The following CWF19L2 variants were observed in gnomAD, a reference collection of about 807,000 sequenced individuals.
CWF19L2 encodes CWF19 like cell cycle control factor 2.
A neutral mutation model predicts 111.7 loss-of-function variants in CWF19L2; 98 were observed. That is an observed-to-expected ratio of 0.88 (90% CI 0.75 to 1.04). The LOEUF (loss-of-function observed/expected upper bound fraction) is 1.04. Ranked by LOEUF, CWF19L2 falls within the 50% of genes least tolerant of loss-of-function variation. The pLI is 0.00. For synonymous variants in CWF19L2, 351 were observed against 342.9 expected (o/e 1.02, Z -0.26); for missense variants, 1,101 against 1,051.4 (o/e 1.05, Z -0.65).
Position 107,442,972 on chromosome 11 carries a change from T to C in CWF19L2, c.417A>G (p.Glu139=). The C allele has an allele frequency of 6.4e-7, 1 of 1,551,598 alleles. No homozygotes were observed. Among genetic ancestry groups the C allele is most frequent in the Non-Finnish European group, 8.7e-7 (1 of 1,146,780 alleles). Residue 139 remains glutamate, a synonymous_variant, in exon 4 of 18, where the codon GAA becomes GAG. Transcript: ENST00000282251. ...DKEKAWKVKD[E]KSGKDDTQII... ...TTTGGGTGTCATCTTTTCCTGACTT[T>C]TCATCTTTCACTTTCCAGGCTTTTT...
At position 107,428,871 on chromosome 11, in the gene CWF19L2, G is replaced by A. The variant is rs756765190; in HGVS notation, c.1361C>T (p.Ser454Leu). The stretch of plus-strand genomic sequence containing the variant: ...GTCATCTCTCAAGACTTCATCTTGT[G>A]ATTTTTCTCTTGGGTCTTCTGGAAC... ...QHVPEDPREK[S>L]QDEVLRDDPP... is the part of the protein sequence containing the mutation. The change falls in exon 8 of 18, where the codon TCA (serine) becomes TTA (leucine). Residue 454 changes from serine (S) to leucine (L), a missense_variant. Coordinates refer to ENST00000282251, the MANE Select transcript of CWF19L2 (RefSeq NM_152434.3). The A allele has an allele frequency of 6.2e-7, 1 of 1,613,608 alleles. No individual in the cohort carries two copies. The highest frequency in any genetic ancestry group is 2.2e-5 in the East Asian group (1 of 44,862).
At position 107,372,633 on chromosome 11, in the gene CWF19L2, G is replaced by C. The variant is rs1218634262; in HGVS notation, c.1872+17441C>G. ...GACTAAAGGATGAGATGCACATTTT[G>C]AACAAAAAAATTATTCTGGTTTCAG... On this transcript the variant is annotated intron_variant, in intron 12 of 17. Coordinates refer to ENST00000282251, the MANE Select transcript of CWF19L2 (RefSeq NM_152434.3). Among the ~76,000 whole-genome samples the C allele has an allele frequency of 1.5e-5, 2 of 136,164 alleles. 1 individual carries two copies. Among genetic ancestry groups the C allele is most frequent in the Non-Finnish European group, 3.1e-5 (2 of 63,872 alleles). 89.3% of individuals were successfully genotyped at this position (136,164 alleles called of 152,430 possible). A position where few individuals can be genotyped will look rare whatever the true frequency, so the allele number is the denominator to read the frequency against.
intron 8 of CWF19L2, among the ~76,000 whole-genome samples, chr11:107,426,731 CATT>C (rs2135406588): frequency 6.6e-6 from 1 of 151,596 alleles, no homozygotes; most frequent in South Asian, 2.1e-4. Context: ...ATGGTATATG[CATT>C]GTAGAGCTAT....
chr11:107,449,261 G>A (rs1861745647), intron 3 of CWF19L2, among the ~76,000 whole-genome samples: 1 of 151,680 alleles, frequency 6.6e-6, no homozygotes, highest in Admixed American at 6.6e-5. Flanking sequence ...GAATGAAGAT[G>A]AAATAAAAGA....
At chr11:107,455,370 T>C (rs1415771305) in intron 2 of CWF19L2, among the ~76,000 whole-genome samples, 1 of 152,006 alleles carries the variant, frequency 6.6e-6, no homozygotes, top group African/African-American at 2.4e-5. Flanking sequence ...ATAAAATAAA[T>C]ACATAAAGCT....
intron 3 of CWF19L2, among the ~76,000 whole-genome samples, chr11:107,443,536 C>T (rs961058669): frequency 2.0e-5 from 3 of 151,966 alleles, no homozygotes; most frequent in African/African-American, 7.2e-5. Context: ...GAGTTAAGCC[C>T]ACCAAACACA....
At chr11:107,413,382 G>A (rs1171912499) in intron 10 of CWF19L2, among the ~76,000 whole-genome samples, 4 of 152,104 alleles carry the variant, frequency 2.6e-5, no homozygotes, top group Non-Finnish European at 4.4e-5. Flanking sequence ...CCATAATGAA[G>A]AAGGGTGATG....
intron 16 of CWF19L2, among the ~76,000 whole-genome samples, chr11:107,334,078 C>A (rs898048832): frequency 9.9e-5 from 15 of 152,154 alleles, no homozygotes; most frequent in African/African-American, 3.6e-4. Context: ...GAGTTGCCAA[C>A]CCCAGCACTA....
At chr11:107,400,318 A>G (rs886908297) in intron 10 of CWF19L2, among the ~76,000 whole-genome samples, 9 of 152,156 alleles carry the variant, frequency 5.9e-5, no homozygotes, top group Admixed American at 2.6e-4. Flanking sequence ...TTGATACACT[A>G]TTAGCAATAT....
At chr11:107,407,727 T>C (rs1861100521) in intron 10 of CWF19L2, among the ~76,000 whole-genome samples, 1 of 152,052 alleles carries the variant, frequency 6.6e-6, no homozygotes, top group African/African-American at 2.4e-5. Context: ...GTCTATGACA[T>C]AATTCTTCAT....
chr11:107,326,659 T>C lies in CWF19L2; in HGVS notation c.*251A>G, dbSNP rs1479177652. 4 of 335,558 alleles carry C rather than the reference T, an allele frequency of 1.2e-5. No homozygotes were observed. The highest frequency in any genetic ancestry group is 2.1e-5 in the African/African-American group (1 of 47,142). The allele number at this position is 335,558 out of a possible 1,614,324, so 20.8% of individuals were successfully genotyped here. A position where few individuals can be genotyped will look rare whatever the true frequency, so the allele number is the denominator to read the frequency against. On this transcript the variant is annotated 3_prime_UTR_variant, in exon 18 of 18. Transcript: ENST00000282251. ...ACAATTCGGAATACCAAGAAGTAGG[T>C]AGAGAGCAGGAATGTGAGCAGATCA...
chr11:107,422,258 T>C (rs905844352), intron 8 of CWF19L2, among the ~76,000 whole-genome samples: 1 of 152,006 alleles, frequency 6.6e-6, no homozygotes, highest in Non-Finnish European at 1.5e-5. Context: ...GCAGCATTCA[T>C]GTGATGTAAA....
At chr11:107,450,462 A>G (rs1162428436) in intron 3 of CWF19L2, among the ~76,000 whole-genome samples, 1 of 152,110 alleles carries the variant, frequency 6.6e-6, no homozygotes, top group Non-Finnish European at 1.5e-5. Flanking sequence ...CTGAGGTGGG[A>G]GAGTCACTTG....
intron 14 of CWF19L2, chr11:107,345,572 G>A (rs951849595): frequency 2.3e-6 from 1 of 432,602 alleles, no homozygotes; most frequent in Non-Finnish European, 4.7e-6. Context: ...AGTGTTGCAA[G>A]AATGGTTCTG....
At chr11:107,439,720 G>GA (rs1439924866) in intron 5 of CWF19L2, among the ~76,000 whole-genome samples, 2 of 152,190 alleles carry the variant, frequency 1.3e-5, no homozygotes, top group African/African-American at 4.8e-5. Flanking sequence ...GCAGTTTCAG[G>GA]AAACTTAGAA....
At chr11:107,437,955 G>T (rs891970859) in intron 6 of CWF19L2, among the ~76,000 whole-genome samples, 1 of 152,076 alleles carries the variant, frequency 6.6e-6, no homozygotes, top group African/African-American at 2.4e-5. Flanking sequence ...AACCTTGTAT[G>T]ACTATAGTTA....
chr11:107,421,670 C>T lies in CWF19L2; in HGVS notation c.1434-3383G>A, dbSNP rs186938301. Among the ~76,000 whole-genome samples, 188 of 152,144 alleles carry T rather than the reference C, an allele frequency of 1.2e-3. 1 individual carries two copies. The highest frequency in any genetic ancestry group is 2.3e-3 in the Non-Finnish European group (153 of 67,942). On this transcript the variant is annotated intron_variant, in intron 8 of 17. Transcript: ENST00000282251. ...CCACAATGAGCTACCACTACACATC[C>T]GCTAGAAGAGCTAAAATTTACAAGA...
chr11:107,344,960 A>G (rs1339191726), intron 14 of CWF19L2, among the ~76,000 whole-genome samples: 1 of 152,140 alleles, frequency 6.6e-6, no homozygotes, highest in Non-Finnish European at 1.5e-5. Flanking sequence ...GCTACTCATT[A>G]CTGCTGGGTA....
At chr11:107,388,529 C>G (rs1322904666) in intron 12 of CWF19L2, among the ~76,000 whole-genome samples, 1 of 152,066 alleles carries the variant, frequency 6.6e-6, no homozygotes, top group Non-Finnish European at 1.5e-5. Flanking sequence ...ACTACAAGTG[C>G]GTGCCACCAT....
Sources: allele counts gnomAD v4.1 joint callset (sites outside exome capture counted in the v4.1 genomes callset), GRCh38; gene constraint gnomAD v4.1.1; transcripts MANE v1.5; gene names NCBI Gene and HGNC (gene_info 2026-07-23, HGNC 2026-07-21).